The following PPFIA2 variants were observed in gnomAD, a reference collection of about 807,000 sequenced individuals.
PPFIA2 encodes the protein PPFI scaffold protein A2, also known as liprin-alpha-2.
PPFIA2 carries 46 observed loss-of-function variants against 175.5 expected under a neutral mutation model. That is an observed-to-expected ratio of 0.26 (90% CI 0.21 to 0.34). The LOEUF is 0.34. Ranked by LOEUF, PPFIA2 falls within the 10% of genes least tolerant of loss-of-function variation. PPFIA2 has a pLI of 1.00. For synonymous variants in PPFIA2, 568 were observed against 511.4 expected, an observed-to-expected ratio of 1.11 and a Z score of -1.49; for missense variants, 1,179 against 1,506.1, an observed-to-expected ratio of 0.78 and a Z score of 3.60.
At chr12:81,746,754 T>C (rs1367390932) in intron 3 of PPFIA2, among the ~76,000 whole-genome samples, 4 of 143,114 alleles carry the variant, frequency 2.8e-5, no homozygotes, top group African/African-American at 9.8e-5. Flanking sequence ...TAGAGATAAA[T>C]ATTCATATAC....
chr12:81,347,599 G>A lies in PPFIA2; in HGVS notation c.2166C>T (p.His722=). ...SLASSSPPSG[H]STPKLTPRSP... is the part of the protein sequence containing the mutation. ...TTCGAGGGGTGAGCTTTGGAGTTGA[G>A]TGTCCACTGGGGGGAGATGAACTGG... Residue 722 remains histidine (H), a synonymous_variant, in exon 18 of 33, where the codon CAC becomes CAT. Coordinates refer to ENST00000549396, the MANE Select transcript of PPFIA2 (RefSeq NM_003625.5). The A allele has an allele frequency of 6.2e-7, 1 of 1,613,808 alleles. No individual in the cohort carries two copies. Among genetic ancestry groups the A allele is most frequent in the African/African-American group, 1.3e-5 (1 of 75,018 alleles).
intron 4 of PPFIA2, among the ~76,000 whole-genome samples, chr12:81,492,505 G>A (rs1214485082): frequency 2.0e-5 from 3 of 152,018 alleles, no homozygotes; most frequent in Non-Finnish European, 2.9e-5. Context: ...GAGGGGTGGA[G>A]CTGCAATCTA....
chr12:81,478,599 A>T (rs576745111), intron 4 of PPFIA2, among the ~76,000 whole-genome samples: 1 of 152,248 alleles, frequency 6.6e-6, no homozygotes, highest in African/African-American at 2.4e-5. Context: ...TGTGTCCCAG[A>T]TATTCTGCTA....
chr12:81,401,285 C>T (rs2042054247), intron 8 of PPFIA2, among the ~76,000 whole-genome samples: 1 of 152,010 alleles, frequency 6.6e-6, no homozygotes, highest in Admixed American at 6.6e-5. Context: ...GCATTTATTG[C>T]TTCTATACAA....
chr12:81,705,668 A>G (rs1471086230), intron 3 of PPFIA2, among the ~76,000 whole-genome samples: 2 of 152,166 alleles, frequency 1.3e-5, no homozygotes, highest in Non-Finnish European at 2.9e-5. Flanking sequence ...TTTTCTCCAC[A>G]CAGAGCCAAA....
intron 4 of PPFIA2, among the ~76,000 whole-genome samples, chr12:81,528,845 T>C (rs1234951884): frequency 1.3e-5 from 2 of 151,834 alleles, no homozygotes; most frequent in Admixed American, 1.3e-4. Context: ...CAACAGAAAA[T>C]TATATTTTAT....
intron 4 of PPFIA2, among the ~76,000 whole-genome samples, chr12:81,471,485 T>C (rs1263377421): frequency 1.3e-5 from 2 of 151,628 alleles, no homozygotes; most frequent in Non-Finnish European, 2.9e-5. Context: ...TTTTTTTTTT[T>C]CAAGGGTGAA....
chr12:81,364,183 G>A (rs2032224246), intron 14 of PPFIA2, among the ~76,000 whole-genome samples: 1 of 151,750 alleles, frequency 6.6e-6, no homozygotes, highest in African/African-American at 2.4e-5. Context: ...ACGCCTCTTA[G>A]TGGAAATGGA....
At chr12:81,523,320 C>G (rs1367214703) in intron 4 of PPFIA2, among the ~76,000 whole-genome samples, 4 of 151,194 alleles carry the variant, frequency 2.6e-5, no homozygotes, top group Non-Finnish European at 4.4e-5. Context: ...CAAACTACAT[C>G]TTCCTTAGAA....
At chr12:81,563,927 G>C (rs2070741045) in intron 4 of PPFIA2, among the ~76,000 whole-genome samples, 1 of 152,254 alleles carries the variant, frequency 6.6e-6, no homozygotes, top group Non-Finnish European at 1.5e-5. Context: ...TGCCATTGCA[G>C]TATGGTATCA....
rs1302304321 is a variant in PPFIA2, at chr12:81,642,762, GTA to G, written c.303+34027_303+34028del. Among the ~76,000 whole-genome samples the G allele has an allele frequency of 7.0e-3, 30 of 4,266 alleles. 12 individuals are homozygous for G. The highest frequency in any genetic ancestry group is 0.028 in the African/African-American group (30 of 1,086). 2.8% of individuals were successfully genotyped at this position (4,266 alleles called of 152,430 possible). A position where few individuals can be genotyped will look rare whatever the true frequency, so the allele number is the denominator to read the frequency against. On this transcript the variant is annotated intron_variant, in intron 4 of 32. Coordinates refer to ENST00000549396, the MANE Select transcript of PPFIA2 (RefSeq NM_003625.5). ...GTATGTATGTATTATATACATACAT[GTA>G]TATGTATGTATGTATTATATACATA...
chr12:81,536,745 CATATATATATAT>C (rs3075445), intron 4 of PPFIA2, among the ~76,000 whole-genome samples: 4 of 136,662 alleles, frequency 2.9e-5, no homozygotes, highest in African/African-American at 5.3e-5. Flanking sequence ...TATACATAAA[CATATATATATAT>C]ATATATATAT....
intron 4 of PPFIA2, among the ~76,000 whole-genome samples, chr12:81,522,105 A>C (rs2063228466): frequency 6.6e-6 from 1 of 152,216 alleles, no homozygotes; most frequent in African/African-American, 2.4e-5. Context: ...TATAGATGTG[A>C]AAGAAGCAAA....
At chr12:81,433,791 GGAGA>G (rs1188874830) in intron 7 of PPFIA2, among the ~76,000 whole-genome samples, 3 of 152,112 alleles carry the variant, frequency 2.0e-5, no homozygotes, top group Non-Finnish European at 2.9e-5. Flanking sequence ...TAAATATAAA[GGAGA>G]GAGATGAAGT....
intron 3 of PPFIA2, among the ~76,000 whole-genome samples, chr12:81,720,814 A>C (rs2079215881): frequency 6.6e-6 from 1 of 151,340 alleles, no homozygotes; most frequent in South Asian, 2.1e-4. Context: ...TACACTTAAT[A>C]AATTTTTTTT....
intron 4 of PPFIA2, among the ~76,000 whole-genome samples, chr12:81,509,494 G>T (rs992642075): frequency 6.6e-6 from 1 of 152,120 alleles, no homozygotes; most frequent in Non-Finnish European, 1.5e-5. Flanking sequence ...GTCCCAAGGA[G>T]ATTAGGGGCC....
chr12:81,419,865 C>T (rs1032100748), intron 7 of PPFIA2, among the ~76,000 whole-genome samples: 12 of 152,082 alleles, frequency 7.9e-5, no homozygotes, highest in African/African-American at 2.2e-4. Flanking sequence ...CACCATTGTT[C>T]GATGTATGTT....
chr12:81,674,942 A>C (rs1223376349), intron 4 of PPFIA2, among the ~76,000 whole-genome samples: 1 of 151,962 alleles, frequency 6.6e-6, no homozygotes, highest in Non-Finnish European at 1.5e-5. Context: ...GGAGACACTA[A>C]ATTAATGTGT....
intron 24 of PPFIA2, chr12:81,292,181 A>C (rs1157539181): frequency 1.3e-5 from 2 of 152,088 alleles, no homozygotes; most frequent in African/African-American, 4.8e-5. Context: ...AATGTTTAAT[A>C]ATTTTGTTTG....
Sources: gnomAD v4.1 joint callset for allele counts (sites outside exome capture counted in the v4.1 genomes callset) on GRCh38, gnomAD v4.1.1 for gene constraint, MANE v1.5 for transcripts, NCBI Gene and HGNC (gene_info 2026-07-23, HGNC 2026-07-21) for gene names.